B3GLCT: variants seen among roughly 807,000 people sequenced by gnomAD.
B3GLCT encodes the protein beta-1,3-glucosyltransferase.
Under a neutral mutation model 63.4 loss-of-function variants are expected in B3GLCT, and 65 were observed. The observed-to-expected ratio is 1.03, with a 90% CI of 0.84 to 1.26. B3GLCT has a LOEUF of 1.26. Ranked by LOEUF, B3GLCT falls within the 50% of genes most tolerant of loss-of-function variation. The pLI, the probability that B3GLCT is intolerant of heterozygous loss-of-function variation, is 0.00. For synonymous variants in B3GLCT, 233 were observed against 219.2 expected, an observed-to-expected ratio of 1.06 and a Z score of -0.55; for missense variants, 577 against 604.8, an observed-to-expected ratio of 0.95 and a Z score of 0.48.
chr13:31,326,620 T>G (rs758763927), intron 14 of B3GLCT, among the ~76,000 whole-genome samples: 73 of 152,236 alleles, frequency 4.8e-4, no homozygotes, highest in Admixed American at 2.5e-3. Context: ...TCTCTCTTCC[T>G]GTATGCAGAT....
At position 31,274,576 on chromosome 13, in the gene B3GLCT, A is replaced by G. The variant is rs371506964; in HGVS notation, c.728A>G (p.Asn243Ser). 2.2e-5 allele frequency: 35 copies of G among 1,614,086 alleles called. No individual in the cohort carries two copies. The highest frequency in any genetic ancestry group is 2.8e-5 in the Non-Finnish European group (33 of 1,180,044). Residue 243 changes from asparagine to serine, a missense_variant, in exon 9 of 15, where the codon AAT (asparagine) becomes AGT (serine). By Grantham distance (46) the Asn-to-Ser change is conservative (BLOSUM62 1). Coordinates refer to ENST00000343307, the MANE Select transcript of B3GLCT (RefSeq NM_194318.4). ...ACCCCAGTGCCTGAGTTTTGTACCA[A>G]TGACGTGGACTTCTACTGTGCTACC... ...PLTPVPEFCT[N>S]DVDFYCATTF...
chr13:31,254,930 G>A (rs542666618), intron 6 of B3GLCT, among the ~76,000 whole-genome samples: 11 of 151,758 alleles, frequency 7.2e-5, no homozygotes, highest in Non-Finnish European at 1.6e-4. Context: ...CCAGCTACTC[G>A]GGAGGCTGAG....
intron 12 of B3GLCT, among the ~76,000 whole-genome samples, chr13:31,312,164 C>T (rs1421050871): frequency 2.0e-5 from 3 of 152,184 alleles, no homozygotes; most frequent in African/African-American, 7.2e-5. Flanking sequence ...CTTGCTCTTT[C>T]TATGGCCACA....
intron 3 of B3GLCT, among the ~76,000 whole-genome samples, chr13:31,226,919 T>C (rs1870132085): frequency 6.6e-6 from 1 of 152,256 alleles, no homozygotes; most frequent in South Asian, 2.1e-4. Context: ...TGAAACCTTT[T>C]AACCATTATC....
chr13:31,216,429 G>GGTTT (rs532640241), intron 2 of B3GLCT, among the ~76,000 whole-genome samples: 5 of 152,198 alleles, frequency 3.3e-5, no homozygotes, highest in Admixed American at 6.5e-5. Context: ...TACATGTGCA[G>GGTTT]GTTTGTTTGT....
chr13:31,200,929 C>T (rs1295573674), intron 1 of B3GLCT, among the ~76,000 whole-genome samples: 1 of 151,802 alleles, frequency 6.6e-6, no homozygotes, highest in Non-Finnish European at 1.5e-5. Context: ...TCTCCTGCTG[C>T]TGTAATGCCC....
intron 6 of B3GLCT, among the ~76,000 whole-genome samples, chr13:31,254,423 C>T (rs1201766817): frequency 1.3e-5 from 2 of 152,138 alleles, no homozygotes; most frequent in Non-Finnish European, 2.9e-5. Flanking sequence ...ACATGATTAT[C>T]TCAATAGATG....
intron 11 of B3GLCT, among the ~76,000 whole-genome samples, chr13:31,286,224 A>G (rs1275261446): frequency 6.6e-6 from 1 of 152,220 alleles, no homozygotes; most frequent in African/African-American, 2.4e-5. Context: ...CTGCCACAGT[A>G]TCTGGCATGT....
chr13:31,276,789 C>T lies in B3GLCT; in HGVS notation c.850+18C>T, dbSNP rs757958058. The T allele has an allele frequency of 1.0e-5, 16 of 1,580,466 alleles. No homozygotes were observed. The Admixed American group carries it at 2.3e-4, about 23-fold the overall frequency. Reference sequence around the variant, plus strand: ...TGACAGAAGTATGTTTTGGGTTATTCATTTTATTGAACGCTAAAATCCAGA... The same window carrying T: ...TGACAGAAGTATGTTTTGGGTTATTTATTTTATTGAACGCTAAAATCCAGA... On this transcript the variant is annotated intron_variant, in intron 10 of 14. Transcript: ENST00000343307.
At chr13:31,282,094 T>G (rs1387850240) in intron 10 of B3GLCT, among the ~76,000 whole-genome samples, 1 of 152,230 alleles carries the variant, frequency 6.6e-6, no homozygotes, top group African/African-American at 2.4e-5. Flanking sequence ...TATACTTCTT[T>G]ATTGAAAAGG....
At position 31,308,356 on chromosome 13, in the gene B3GLCT, A is replaced by C. The variant is rs898983892; in HGVS notation, c.1065-9210A>C. Among the ~76,000 whole-genome samples the C allele has an allele frequency of 4.7e-4, 8 of 17,160 alleles. 1 individual carries two copies. Among genetic ancestry groups the C allele is most frequent in the Non-Finnish European group, 2.7e-3 (6 of 2,192 alleles). The allele number at this position is 17,160 out of a possible 152,430, so 11.3% of individuals were successfully genotyped here. A position where few individuals can be genotyped will look rare whatever the true frequency, so the allele number is the denominator to read the frequency against. On this transcript the variant is annotated intron_variant, in intron 12 of 14. Coordinates refer to ENST00000343307, the MANE Select transcript of B3GLCT (RefSeq NM_194318.4). Reference sequence around the variant, plus strand: ...ATAAAAAAAAAAAAATTAAAAAAAAAAAAACAAAAAAAAAAGCTAGTCCCA... The same window carrying C: ...ATAAAAAAAAAAAAATTAAAAAAAACAAAACAAAAAAAAAAGCTAGTCCCA...
chr13:31,221,578 C>T (rs1869814439), intron 2 of B3GLCT, among the ~76,000 whole-genome samples: 1 of 152,212 alleles, frequency 6.6e-6, no homozygotes, highest in African/African-American at 2.4e-5. Context: ...CTCCTCTACT[C>T]AGTGGCATTT....
intron 10 of B3GLCT, among the ~76,000 whole-genome samples, chr13:31,277,289 G>T (rs1872841183): frequency 6.6e-6 from 1 of 151,960 alleles, no homozygotes. Context: ...GGTACAAACA[G>T]TGAATCTCTT....
At chr13:31,328,414 C>T (rs894593683) in intron 14 of B3GLCT, among the ~76,000 whole-genome samples, 16 of 152,178 alleles carry the variant, frequency 1.1e-4, no homozygotes, top group African/African-American at 3.9e-4. Context: ...TGATTACTGG[C>T]TGGGCAAAGT....
At chr13:31,246,213 G>T (rs1365359978) in intron 4 of B3GLCT, among the ~76,000 whole-genome samples, 2 of 152,150 alleles carry the variant, frequency 1.3e-5, no homozygotes, top group African/African-American at 4.8e-5. Flanking sequence ...AATAAAGTTT[G>T]TTGGGGGAGG....
At position 31,234,166 on chromosome 13, in the gene B3GLCT, C is replaced by T. The variant is rs189219778; in HGVS notation, c.270+4872C>T. On this transcript the variant is annotated intron_variant, in intron 4 of 14. Coordinates refer to ENST00000343307, the MANE Select transcript of B3GLCT (RefSeq NM_194318.4). ...CCGAGTAGCTGGGACTACAGGCACCCGCCACCACACCTGGCTAATTTTTTT... is the reference window on the plus strand; with the variant it reads ...CCGAGTAGCTGGGACTACAGGCACCTGCCACCACACCTGGCTAATTTTTTT... 9.6e-4 allele frequency among the ~76,000 whole-genome samples: 146 copies of T among 152,082 alleles called. 2 individuals carry two copies. The East Asian group carries it at 0.01, about 11-fold the overall frequency.
chr13:31,326,909 T>G (rs1288129963), intron 14 of B3GLCT, among the ~76,000 whole-genome samples: 1 of 152,214 alleles, frequency 6.6e-6, no homozygotes, highest in African/African-American at 2.4e-5. Flanking sequence ...GCAAATCACT[T>G]CTAGAATCTG....
chr13:31,250,944 A>G (rs2137811745), intron 6 of B3GLCT, among the ~76,000 whole-genome samples: 1 of 152,322 alleles, frequency 6.6e-6, no homozygotes, highest in East Asian at 1.9e-4. Context: ...AGGGGCCGAC[A>G]GACACCTCAT....
intron 12 of B3GLCT, among the ~76,000 whole-genome samples, chr13:31,308,353 A>AC (rs1874505012): frequency 3.5e-5 from 1 of 28,532 alleles, no homozygotes; most frequent in Admixed American, 5.8e-4. Flanking sequence ...AAATTAAAAA[A>AC]AAAAAAACAA....
Sources: gnomAD v4.1 joint callset for allele counts (sites outside exome capture counted in the v4.1 genomes callset) on GRCh38, gnomAD v4.1.1 for gene constraint, MANE v1.5 for transcripts, NCBI Gene and HGNC (gene_info 2026-07-23, HGNC 2026-07-21) for gene names.